Variants in UBXN7 observed in about 807,000 individuals in gnomAD.
UBXN7 encodes UBX domain-containing protein 7.
In UBXN7, 9 loss-of-function variants were observed where a neutral mutation model predicts 58.0. The observed-to-expected ratio is 0.16, with a 90% confidence interval of 0.09 to 0.27. The LOEUF (loss-of-function observed/expected upper bound fraction) is 0.27, where lower values mean the gene tolerates loss of function less well. UBXN7 is among the 10% of genes least tolerant of loss of function. The pLI, the probability that UBXN7 is intolerant of heterozygous loss-of-function variation, is 1.00. For missense variants in UBXN7, 328 were observed against 599.6 expected (o/e 0.55, Z 4.73); for synonymous variants, 208 against 205.0 (o/e 1.01, Z -0.12).
intron 1 of UBXN7, chr3:196,431,944 C>T: frequency 2.4e-6 from 1 of 413,798 alleles, no homozygotes; most frequent in South Asian, 2.0e-5. Context: ...CACCGCAGGG[C>T]TGCACAGAGA....
At chr3:196,405,488 GAAAA>G (rs1158068897) in intron 2 of UBXN7, among the ~76,000 whole-genome samples, 1 of 142,898 alleles carries the variant, frequency 7.0e-6, no homozygotes. Flanking sequence ...AAAAAGAAAA[GAAAA>G]AAAAAGAAAG....
chr3:196,375,850 G>A (rs538487100), intron 5 of UBXN7, among the ~76,000 whole-genome samples: 3 of 152,234 alleles, frequency 2.0e-5, no homozygotes, highest in South Asian at 2.1e-4. Context: ...TCAACATGGC[G>A]AAACCCCATC....
chr3:196,361,065 A>T, intron 10 of UBXN7, among the ~76,000 whole-genome samples: 1 of 152,274 alleles, frequency 6.6e-6, no homozygotes, highest in East Asian at 1.9e-4. Flanking sequence ...TACCATTAAG[A>T]ACATTCACAA....
chr3:196,409,375 A>G (rs900960047), intron 1 of UBXN7, among the ~76,000 whole-genome samples: 1 of 152,134 alleles, frequency 6.6e-6, no homozygotes, highest in Non-Finnish European at 1.5e-5. Context: ...TAAATTTTCT[A>G]CAGTTTCTAT....
intron 5 of UBXN7, among the ~76,000 whole-genome samples, chr3:196,386,937 C>T (rs113733255): frequency 5.3e-5 from 8 of 152,144 alleles, no homozygotes; most frequent in African/African-American, 1.4e-4. Context: ...AAGCTGGAGG[C>T]ATCATGCTAC....
At chr3:196,417,266 C>G (rs770633071) in intron 1 of UBXN7, among the ~76,000 whole-genome samples, 1 of 152,040 alleles carries the variant, frequency 6.6e-6, no homozygotes, top group Non-Finnish European at 1.5e-5. Flanking sequence ...GAGCCGAGAT[C>G]GCGCGACTGC....
At chr3:196,394,895 T>TCCA (rs1729722343) in intron 3 of UBXN7, among the ~76,000 whole-genome samples, 1 of 152,186 alleles carries the variant, frequency 6.6e-6, no homozygotes, top group South Asian at 2.1e-4. Context: ...AGTAAACAGA[T>TCCA]CCACCTAAGG....
chr3:196,372,112 C>A, intron 5 of UBXN7, 70 bp from the exon 6 acceptor site: 1 of 1,495,692 alleles, frequency 6.7e-7, no homozygotes, highest in South Asian at 1.4e-5. Flanking sequence ...CGTAGTTGTT[C>A]AGAGGTTGTT....
At chr3:196,376,308 C>T (rs1467223526) in intron 5 of UBXN7, among the ~76,000 whole-genome samples, 3 of 151,726 alleles carry the variant, frequency 2.0e-5, no homozygotes, top group African/African-American at 4.8e-5. Flanking sequence ...TTTGGGAGGC[C>T]GAGGTGGGTG....
At chr3:196,418,098 G>A (rs1020925013) in intron 1 of UBXN7, among the ~76,000 whole-genome samples, 3 of 152,046 alleles carry the variant, frequency 2.0e-5, no homozygotes, top group Admixed American at 6.6e-5. Context: ...TTAGCTGGGC[G>A]TGATGGTGGG....
intron 6 of UBXN7, among the ~76,000 whole-genome samples, chr3:196,370,748 C>G (rs1179517730): frequency 6.7e-6 from 1 of 149,570 alleles, no homozygotes; most frequent in South Asian, 2.1e-4. Flanking sequence ...TGAGCCGGCA[C>G]GGTGATTCAT....
At chr3:196,406,696 G>A (rs1233881754) in intron 2 of UBXN7, among the ~76,000 whole-genome samples, 1 of 151,834 alleles carries the variant, frequency 6.6e-6, no homozygotes. Context: ...AGCCCACCTC[G>A]GCCTCCCAAA....
At chr3:196,380,164 G>A (rs1244306910) in intron 5 of UBXN7, among the ~76,000 whole-genome samples, 4 of 151,880 alleles carry the variant, frequency 2.6e-5, no homozygotes, top group Non-Finnish European at 5.9e-5. Flanking sequence ...GAAGGAGAAT[G>A]GAGTGAACCT....
Position 196,354,531 on chromosome 3 carries a change from A to C in UBXN7, c.*2154T>G, listed in dbSNP as rs1420646540. On this transcript the variant is annotated 3_prime_UTR_variant, in exon 11 of 11. Coordinates refer to ENST00000296328, the MANE Select transcript of UBXN7 (RefSeq NM_015562.2). ...GTGCCATCAGAGCACAAAGCTGAGCAAACCTCTCTTCTTACCCTGTGCCCT... is the reference window on the plus strand; with the variant it reads ...GTGCCATCAGAGCACAAAGCTGAGCCAACCTCTCTTCTTACCCTGTGCCCT... 6.6e-6 allele frequency: 1 copy of C among 152,262 alleles called. No individual in the cohort carries two copies. The highest frequency in any genetic ancestry group is 1.5e-5 in the Non-Finnish European group (1 of 68,056). 9.4% of individuals were successfully genotyped at this position (152,262 alleles called of 1,614,324 possible). A position where few individuals can be genotyped will look rare whatever the true frequency, so the allele number is the denominator to read the frequency against.
chr3:196,413,545 G>A (rs1730395992), intron 1 of UBXN7, among the ~76,000 whole-genome samples: 3 of 152,026 alleles, frequency 2.0e-5, no homozygotes, highest in Admixed American at 2.0e-4. Context: ...ACTCAAATTT[G>A]AGAAACATTC....
chr3:196,401,154 G>A (rs1243040073), intron 3 of UBXN7, among the ~76,000 whole-genome samples: 2 of 143,412 alleles, frequency 1.4e-5, no homozygotes, highest in African/African-American at 5.2e-5. Flanking sequence ...GCTCATGCCT[G>A]TAATCCCAGC....
Position 196,356,554 on chromosome 3 carries a change from A to T in UBXN7, c.*131T>A, listed in dbSNP as rs1728354962. On this transcript the variant is annotated 3_prime_UTR_variant, in exon 11 of 11. Coordinates refer to ENST00000296328, the MANE Select transcript of UBXN7 (RefSeq NM_015562.2). ...CTGATTATAGGAGAGATCAAGAAAT[A>T]AGAGAAGGAAGGTGACTTGCTTGCC... 1.1e-6 allele frequency: 1 copy of T among 930,984 alleles called. No homozygotes were observed. The highest frequency in any genetic ancestry group is 2.2e-4 in the Middle Eastern group (1 of 4,454). 57.7% of individuals were successfully genotyped at this position (930,984 alleles called of 1,614,324 possible).
At chr3:196,384,741 A>C (rs1729319909) in intron 5 of UBXN7, among the ~76,000 whole-genome samples, 1 of 152,158 alleles carries the variant, frequency 6.6e-6, no homozygotes, top group Admixed American at 6.5e-5. Flanking sequence ...CCTTCAACAA[A>C]ATTCAACAGC....
intron 1 of UBXN7, among the ~76,000 whole-genome samples, chr3:196,422,164 C>T (rs1039878928): frequency 6.6e-6 from 1 of 151,940 alleles, no homozygotes; most frequent in African/African-American, 2.4e-5. Flanking sequence ...CACACCACTG[C>T]ACTCCAGCCT....
Sources: allele counts gnomAD v4.1 joint callset (sites outside exome capture counted in the v4.1 genomes callset), GRCh38; gene constraint gnomAD v4.1.1; transcripts MANE v1.5; gene names NCBI Gene and HGNC (gene_info 2026-07-23, HGNC 2026-07-21).